Variants in SCG5 observed in about 807,000 individuals in gnomAD.
The protein encoded by SCG5 is secretogranin V.
A neutral mutation model predicts 25.7 loss-of-function variants in SCG5; 18 were observed. That is an observed-to-expected ratio of 0.70 (90% CI 0.48 to 1.04). The LOEUF (loss-of-function observed/expected upper bound fraction) is 1.04, where lower values mean the gene tolerates loss of function less well. SCG5 is among the 50% of genes least tolerant of loss of function. The probability of loss-of-function intolerance (pLI) is 0.00; values close to 1 mark genes in which losing one functional copy is unlikely to be tolerated. For synonymous variants in SCG5, 101 were observed against 91.7 expected, an observed-to-expected ratio of 1.10 and a Z score of -0.58; for missense variants, 206 against 259.8, an observed-to-expected ratio of 0.79 and a Z score of 1.42.
chr15:32,677,037 T>G (rs139725355), intron 2 of SCG5, among the ~76,000 whole-genome samples: 1 of 152,334 alleles, frequency 6.6e-6, no homozygotes, highest in African/African-American at 2.4e-5. Context: ...TAGATGTTTA[T>G]GGGTTATATA....
In SCG5 at chr15:32,660,790, G is replaced by A. The variant is rs75194465; in HGVS notation, c.226+16972G>A. On this transcript the variant is annotated intron_variant, in intron 2 of 5. Transcript: ENST00000300175. ...GTACTTAAGACATTTGCCTTCATGA[G>A]TTTTTGGTAATCAATATTGTACAGC... Among the ~76,000 whole-genome samples, 1,366 of 152,274 alleles carry A rather than the reference G, an allele frequency of 9.0e-3. 23 individuals are homozygous for A. The highest frequency in any genetic ancestry group is 0.031 in the African/African-American group (1,307 of 41,564).
chr15:32,644,901 T>C (rs2053918742), intron 2 of SCG5, among the ~76,000 whole-genome samples: 1 of 152,248 alleles, frequency 6.6e-6, no homozygotes, highest in Non-Finnish European at 1.5e-5. Context: ...GTGAATGCCA[T>C]GAATATTGTT....
In SCG5 at chr15:32,663,266, A is replaced by G. The variant is rs183117911; in HGVS notation, c.227-16500A>G. ...CAATTTTAGATTTTTTATTGCCCCA[A>G]AAGAAACTCCATTCCCCTTAGCCAT... is the stretch of plus-strand genomic sequence containing the variant. On this transcript the variant is annotated intron_variant, in intron 2 of 5. Coordinates refer to ENST00000300175, the MANE Select transcript of SCG5 (RefSeq NM_001144757.3). Among the ~76,000 whole-genome samples the G allele has an allele frequency of 2.4e-3, 361 of 151,722 alleles. 6 individuals are homozygous for G. Among genetic ancestry groups the G allele is most frequent in the African/African-American group, 8.2e-3 (340 of 41,336 alleles).
intron 2 of SCG5, among the ~76,000 whole-genome samples, chr15:32,673,431 C>T (rs2054473910): frequency 6.6e-6 from 1 of 151,844 alleles, no homozygotes; most frequent in African/African-American, 2.4e-5. Context: ...GCTCATGGAC[C>T]AGCAGCATCT....
intron 2 of SCG5, among the ~76,000 whole-genome samples, chr15:32,661,191 T>C (rs1305851496): frequency 6.6e-6 from 1 of 152,218 alleles, no homozygotes; most frequent in Non-Finnish European, 1.5e-5. Context: ...GCATAGAACC[T>C]GGATTCAAGT....
At chr15:32,650,268 T>C (rs1025667381) in intron 2 of SCG5, among the ~76,000 whole-genome samples, 33 of 152,084 alleles carry the variant, frequency 2.2e-4, no homozygotes. Flanking sequence ...TGGCTAATTT[T>C]TTTTTCGTAT....
intron 2 of SCG5, among the ~76,000 whole-genome samples, chr15:32,652,749 C>A (rs569370495): frequency 2.6e-5 from 4 of 152,130 alleles, no homozygotes; most frequent in Non-Finnish European, 5.9e-5. Flanking sequence ...CTTTTCTTTG[C>A]CAGCTTATAC....
At chr15:32,641,807 C>A (rs1422071692) in intron 1 of SCG5, 29 bp downstream of exon 1, 1 of 152,266 alleles carries the variant, frequency 6.6e-6, no homozygotes, top group Non-Finnish European at 1.5e-5. Flanking sequence ...TCGGCTCGGC[C>A]GCCTGCCGCC....
At chr15:32,660,335 C>G (rs1054683207) in intron 2 of SCG5, among the ~76,000 whole-genome samples, 4 of 152,196 alleles carry the variant, frequency 2.6e-5, no homozygotes, top group African/African-American at 7.2e-5. Context: ...CCTCCTGCAG[C>G]CTGCCTACCC....
chr15:32,662,476 T>C (rs1454569352), intron 2 of SCG5, among the ~76,000 whole-genome samples: 1 of 148,606 alleles, frequency 6.7e-6, no homozygotes, highest in Non-Finnish European at 1.5e-5. Context: ...CTTCCTATTA[T>C]ATAGCTTTTT....
At chr15:32,655,752 G>A (rs1227116431) in intron 2 of SCG5, among the ~76,000 whole-genome samples, 1 of 152,142 alleles carries the variant, frequency 6.6e-6, no homozygotes, top group African/African-American at 2.4e-5. Context: ...TTCCACCGTG[G>A]GAGAACACAG....
intron 2 of SCG5, among the ~76,000 whole-genome samples, chr15:32,647,238 A>G (rs1345012999): frequency 6.6e-6 from 1 of 152,208 alleles, no homozygotes; most frequent in East Asian, 1.9e-4. Flanking sequence ...ACGATGAAAT[A>G]ATTTCTAAAC....
intron 2 of SCG5, 105 bp from the exon 3 acceptor site, chr15:32,679,661 C>A: frequency 8.0e-7 from 1 of 1,247,188 alleles, no homozygotes; most frequent in Non-Finnish European, 1.1e-6. Context: ...TTTTCTCTCC[C>A]CACAGCAGAA....
chr15:32,682,921 C>G (rs192738508), intron 3 of SCG5, among the ~76,000 whole-genome samples: 1 of 152,128 alleles, frequency 6.6e-6, no homozygotes, highest in Non-Finnish European at 1.5e-5. Flanking sequence ...TTTTTAAGCC[C>G]GGAGACACCT....
chr15:32,683,294 C>G (rs2054650153), intron 3 of SCG5, among the ~76,000 whole-genome samples: 1 of 152,114 alleles, frequency 6.6e-6, no homozygotes, highest in Admixed American at 6.5e-5. Context: ...TTATGTCTTT[C>G]AAATGAGACC....
At chr15:32,671,699 G>GAAA (rs36107704) in intron 2 of SCG5, among the ~76,000 whole-genome samples, 89 of 143,742 alleles carry the variant, frequency 6.2e-4, no homozygotes, top group African/African-American at 2.2e-3. Flanking sequence ...CTCAAGTAGT[G>GAAA]AAAAAAAAAA....
chr15:32,675,484 T>G (rs1260595291), intron 2 of SCG5, among the ~76,000 whole-genome samples: 1 of 152,244 alleles, frequency 6.6e-6, no homozygotes, highest in Non-Finnish European at 1.5e-5. Flanking sequence ...TATACCACCA[T>G]CTATTGTCTA....
Position 32,691,953 on chromosome 15 carries a change from G to A in SCG5, c.543+190G>A, listed in dbSNP as rs912595918. Reference sequence around the variant, plus strand: ...CTTGGTTTCTGCGATGGCTTCCCCAGGCTTTAGCAGATGATTTTTAGTGGA... The same window carrying A: ...CTTGGTTTCTGCGATGGCTTCCCCAAGCTTTAGCAGATGATTTTTAGTGGA... On this transcript the variant is annotated intron_variant, in intron 5 of 5. Transcript: ENST00000300175. 11 of 1,435,712 alleles carry A rather than the reference G, an allele frequency of 7.7e-6. No individual in the cohort carries two copies. In the African/African-American group the frequency reaches 1.4e-4, roughly 19 times the overall value. 88.9% of individuals were successfully genotyped at this position (1,435,712 alleles called of 1,614,324 possible). A position where few individuals can be genotyped will look rare whatever the true frequency, so the allele number is the denominator to read the frequency against.
chr15:32,687,407 C>G (rs148345094), intron 4 of SCG5, among the ~76,000 whole-genome samples: 1 of 152,252 alleles, frequency 6.6e-6, no homozygotes, highest in African/African-American at 2.4e-5. Flanking sequence ...GTTTAGATAC[C>G]TTTTATCATC....
Sources: allele counts gnomAD v4.1 joint callset (sites outside exome capture counted in the v4.1 genomes callset), GRCh38; gene constraint gnomAD v4.1.1; transcripts MANE v1.5; gene names NCBI Gene and HGNC (gene_info 2026-07-23, HGNC 2026-07-21).